The following ADGRL3 variants were observed in gnomAD, a reference collection of about 807,000 sequenced individuals.
ADGRL3 encodes the protein calcium-independent alpha-latrotoxin receptor 3.
A neutral mutation model predicts 153.5 loss-of-function variants in ADGRL3; 62 were observed. That is an observed-to-expected ratio of 0.40 (90% CI 0.33 to 0.50). ADGRL3 has a LOEUF of 0.50. Ranked by LOEUF, ADGRL3 falls within the 20% of genes least tolerant of loss-of-function variation. ADGRL3 has a pLI of 0.47. For missense variants in ADGRL3, 1,641 were observed against 1,859.4 expected, an observed-to-expected ratio of 0.88 and a Z score of 2.16; for synonymous variants, 710 against 672.5, an observed-to-expected ratio of 1.06 and a Z score of -0.86.
intron 6 of ADGRL3, among the ~76,000 whole-genome samples, chr4:61,719,334 C>A (rs1404594068): frequency 2.6e-5 from 4 of 151,962 alleles, no homozygotes; most frequent in Admixed American, 2.0e-4. Context: ...CATTCACTAT[C>A]CAATTAAGTA....
intron 1 of ADGRL3, among the ~76,000 whole-genome samples, chr4:61,356,720 C>T (rs1049046709): frequency 6.6e-6 from 1 of 152,114 alleles, no homozygotes; most frequent in Admixed American, 6.5e-5. Context: ...CTTGCAGTTA[C>T]TTATCATAAA....
intron 2 of ADGRL3, among the ~76,000 whole-genome samples, chr4:61,383,703 G>A (rs946044321): frequency 5.3e-5 from 8 of 151,660 alleles, no homozygotes; most frequent in African/African-American, 1.7e-4. Flanking sequence ...GTAGCAACAC[G>A]ATGTTTAATA....
intron 5 of ADGRL3, among the ~76,000 whole-genome samples, chr4:61,644,421 G>A (rs9995715): frequency 6.6e-6 from 1 of 152,014 alleles, no homozygotes; most frequent in East Asian, 1.9e-4. Flanking sequence ...TCTCTTGTGG[G>A]CATTTAGCGC....
chr4:61,367,304 G>C (rs1281371562), intron 1 of ADGRL3, among the ~76,000 whole-genome samples: 1 of 150,924 alleles, frequency 6.6e-6, no homozygotes, highest in Admixed American at 6.6e-5. Flanking sequence ...AGTTATATAA[G>C]TATACATGTG....
chr4:61,280,016 A>G (rs546645151), intron 1 of ADGRL3, among the ~76,000 whole-genome samples: 94 of 152,188 alleles, frequency 6.2e-4, no homozygotes, highest in Non-Finnish European at 1.1e-3. Context: ...CCTTCATCCC[A>G]GAAAAGGTTG....
At chr4:62,069,822 G>A (rs28580661) in intron 26 of ADGRL3, among the ~76,000 whole-genome samples, 3,914 of 152,136 alleles carry the variant, frequency 0.026, 183 homozygotes, top group African/African-American at 0.091. Context: ...GTCAGCCAAT[G>A]TTTGTGTGGC....
Position 61,732,986 on chromosome 4 carries a change from A to C in ADGRL3, c.831A>C (p.Thr277=), listed in dbSNP as rs1329009042. The C allele has an allele frequency of 6.2e-7, 1 of 1,613,806 alleles. No homozygotes were observed. The highest frequency in any genetic ancestry group is 1.7e-5 in the Admixed American group (1 of 59,928). The change falls in exon 8 of 27, where the codon ACA becomes ACC. Residue 277 remains threonine (T), a synonymous_variant. Transcript: ENST00000683033. ...TYKLPHRVDG[T]GFVVYDGALF... The stretch of plus-strand genomic sequence containing the variant: ...AGCTCCCTCACAGGGTGGATGGCAC[A>C]GGATTTGTAGTGTATGATGGAGCTT...
At chr4:62,037,976 G>C (rs770383615) in intron 24 of ADGRL3, 120 bp downstream of exon 24, 200 of 1,064,520 alleles carry the variant, frequency 1.9e-4, no homozygotes, top group Non-Finnish European at 2.7e-4. Flanking sequence ...TTGTTTCACT[G>C]TGTCTCACAT....
At chr4:61,680,413 T>C (rs1436501870) in intron 6 of ADGRL3, among the ~76,000 whole-genome samples, 6 of 56,560 alleles carry the variant, frequency 1.1e-4, no homozygotes, top group African/African-American at 2.6e-4. Flanking sequence ...CTCGTGTGTG[T>C]GTGTGTGTGT....
intron 8 of ADGRL3, among the ~76,000 whole-genome samples, chr4:61,779,578 A>T (rs1011729304): frequency 7.3e-6 from 1 of 136,946 alleles, no homozygotes; most frequent in Non-Finnish European, 1.5e-5. Context: ...GGTTACAGTG[A>T]GCCGAGATCC....
intron 5 of ADGRL3, among the ~76,000 whole-genome samples, chr4:61,629,116 T>A (rs1417707039): frequency 6.6e-6 from 1 of 152,154 alleles, no homozygotes; most frequent in African/African-American, 2.4e-5. Context: ...ATTTGTCATA[T>A]ACAGATGGAG....
chr4:62,037,655 C>G, intron 23 of ADGRL3, 76 bp from the exon 24 acceptor site: 1 of 1,473,382 alleles, frequency 6.8e-7, no homozygotes. Context: ...AAAAATAAAA[C>G]TCACATACAT....
rs1049895239 is a variant in ADGRL3, at chr4:61,564,085, T to C, written c.260-23142T>C. 2.0e-5 allele frequency among the ~76,000 whole-genome samples: 3 copies of C among 152,166 alleles called. No individual in the cohort carries two copies. In the South Asian group the frequency reaches 6.2e-4, roughly 31 times the overall value. ...TTCTAACTTTTCTTCTGCAGCTTCC[T>C]CACCTCTCTCAGCCTTTATAGAATT... is the stretch of plus-strand genomic sequence containing the variant. On this transcript the variant is annotated intron_variant, in intron 4 of 26. Coordinates refer to ENST00000683033, the MANE Select transcript of ADGRL3 (RefSeq NM_001387552.1).
intron 17 of ADGRL3, among the ~76,000 whole-genome samples, chr4:61,965,573 C>A (rs2099003401): frequency 6.6e-6 from 1 of 151,850 alleles, no homozygotes; most frequent in African/African-American, 2.4e-5. Context: ...CATGGTGAAA[C>A]CCCATCTCTA....
intron 9 of ADGRL3, among the ~76,000 whole-genome samples, chr4:61,871,273 A>G (rs564979991): frequency 2.0e-5 from 3 of 149,806 alleles, no homozygotes; most frequent in Non-Finnish European, 4.4e-5. Flanking sequence ...GTGAGACTCC[A>G]TCTCAGAAAA....
At chr4:61,306,775 G>T (rs2094805441) in intron 1 of ADGRL3, among the ~76,000 whole-genome samples, 1 of 152,050 alleles carries the variant, frequency 6.6e-6, no homozygotes, top group Non-Finnish European at 1.5e-5. Context: ...ACAAAATTTA[G>T]AACATGTCTC....
intron 8 of ADGRL3, among the ~76,000 whole-genome samples, chr4:61,748,315 A>G (rs559768034): frequency 6.6e-6 from 1 of 152,324 alleles, no homozygotes; most frequent in African/African-American, 2.4e-5. Flanking sequence ...TGCTATCCCC[A>G]TCAAGCTACC....
At chr4:61,471,850 C>T (rs2097959330) in intron 2 of ADGRL3, among the ~76,000 whole-genome samples, 1 of 151,788 alleles carries the variant, frequency 6.6e-6, no homozygotes, top group African/African-American at 2.4e-5. Flanking sequence ...GATTTGGATA[C>T]CTCTTCTAAA....
intron 2 of ADGRL3, among the ~76,000 whole-genome samples, chr4:61,440,836 T>C (rs1174311502): frequency 6.6e-6 from 1 of 152,204 alleles, no homozygotes; most frequent in African/African-American, 2.4e-5. Context: ...CCAACAATAA[T>C]AACAGAATTA....
Sources: allele counts gnomAD v4.1 joint callset (sites outside exome capture counted in the v4.1 genomes callset), GRCh38; gene constraint gnomAD v4.1.1; transcripts MANE v1.5; gene names NCBI Gene and HGNC (gene_info 2026-07-23, HGNC 2026-07-21).